PRPF18: variants seen among roughly 807,000 people sequenced by gnomAD.
The protein encoded by PRPF18 is pre-mRNA-splicing factor 18.
PRPF18 carries 38 observed loss-of-function variants against 46.5 expected under a neutral mutation model. That is an observed-to-expected ratio of 0.82 (90% CI 0.63 to 1.07). The LOEUF (loss-of-function observed/expected upper bound fraction) is 1.07, where lower values mean the gene tolerates loss of function less well. Among genes scored for constraint, PRPF18 ranks in the 50% least tolerant of loss-of-function variants. The pLI, the probability that PRPF18 is intolerant of heterozygous loss-of-function variation, is 0.00. For synonymous variants in PRPF18, 152 were observed against 146.7 expected (o/e 1.04, Z -0.26); for missense variants, 263 against 410.0 (o/e 0.64, Z 3.10).
At chr10:13,615,736 G>A (rs987198063) in intron 8 of PRPF18, among the ~76,000 whole-genome samples, 3 of 150,448 alleles carry the variant, frequency 2.0e-5, no homozygotes, top group African/African-American at 4.9e-5. Flanking sequence ...AAAGCCTTTT[G>A]TCTTCATTGG....
In PRPF18 at chr10:13,613,878, A is replaced by T. The variant is rs1208750826; in HGVS notation, c.717A>T (p.Lys239Asn). 6.2e-7 allele frequency: 1 copy of T among 1,605,216 alleles called. No individual in the cohort carries two copies. The highest frequency in any genetic ancestry group is 8.5e-7 in the Non-Finnish European group (1 of 1,177,882). Residue 239 changes from lysine to asparagine, a missense_variant, in exon 7 of 10, where the codon AAA becomes AAT. Around this residue, in one of 4 missense-constraint regions of PRPF18, gnomAD observed 155 missense variants for 245.1 expected, o/e 0.63. Coordinates refer to ENST00000378572, the MANE Select transcript of PRPF18 (RefSeq NM_003675.4). Reference sequence around the variant, plus strand: ...GACCACTTTTTAGAAAGCTACGGAAAAGGGTGAGGTTTCTTGGAAAATACT... The same window carrying T: ...GACCACTTTTTAGAAAGCTACGGAATAGGGTGAGGTTTCTTGGAAAATACT... ...YLRPLFRKLRKRNLPADIKES... is the reference protein window; with the variant it reads ...YLRPLFRKLRNRNLPADIKES...
In PRPF18 at chr10:13,608,426, T is replaced by G. The variant is rs144625131; in HGVS notation, c.364-1613T>G. On this transcript the variant is annotated intron_variant, in intron 4 of 9. Coordinates refer to ENST00000378572, the MANE Select transcript of PRPF18 (RefSeq NM_003675.4). ...TGGGCTGTCTGACTGCTTTCTTTGT[T>G]GCCAAACCACTTTCCTGCTTTACTT... Among the ~76,000 whole-genome samples the G allele has an allele frequency of 2.8e-3, 421 of 152,352 alleles. 4 individuals carry two copies. Among genetic ancestry groups the G allele is most frequent in the Middle Eastern group, 0.01 (3 of 294 alleles).
At chr10:13,609,728 C>A (rs1003447571) in intron 4 of PRPF18, among the ~76,000 whole-genome samples, 1 of 152,154 alleles carries the variant, frequency 6.6e-6, no homozygotes, top group Non-Finnish European at 1.5e-5. Flanking sequence ...TGTCACTAAG[C>A]CTCATTAGAA....
Position 13,613,883 on chromosome 10 carries a change from T to A in PRPF18, c.720+2T>A. 1 of 1,597,436 alleles carries A rather than the reference T, an allele frequency of 6.3e-7. No homozygotes were observed. The highest frequency in any genetic ancestry group is 1.1e-5 in the South Asian group (1 of 87,084). ...CTTTTTAGAAAGCTACGGAAAAGGG[T>A]GAGGTTTCTTGGAAAATACTTTTTT... On this transcript the variant is annotated splice_donor_variant, in intron 7 of 9. Transcript: ENST00000378572. LOFTEE classifies it high-confidence loss of function.
intron 1 of PRPF18, chr10:13,591,928 G>GGTTTT (rs1564448930): frequency 5.9e-6 from 6 of 1,011,564 alleles, no homozygotes; most frequent in East Asian, 4.9e-5. Flanking sequence ...TCAACTGAGG[G>GGTTTT]TTTTTTTTTT....
chr10:13,618,843 A>G (rs559856664), intron 9 of PRPF18, among the ~76,000 whole-genome samples: 1 of 152,178 alleles, frequency 6.6e-6, no homozygotes, highest in South Asian at 2.1e-4. Flanking sequence ...AGAGGTGATA[A>G]TAATTGCTCT....
intron 8 of PRPF18, among the ~76,000 whole-genome samples, chr10:13,614,697 G>C (rs73574288): frequency 6.9e-4 from 105 of 152,314 alleles, no homozygotes; most frequent in African/African-American, 1.7e-3. Flanking sequence ...GTGAGGGAAA[G>C]GGTGCTGGTG....
chr10:13,600,306 A>G lies in PRPF18; in HGVS notation c.207A>G (p.Glu69=). 6.2e-7 allele frequency: 1 copy of G among 1,613,010 alleles called. No homozygotes were observed. The highest frequency in any genetic ancestry group is 8.5e-7 in the Non-Finnish European group (1 of 1,179,494). The change falls in exon 3 of 10, where the codon GAA becomes GAG. Residue 69 remains glutamate (E), a synonymous_variant. Transcript: ENST00000378572. ...CATCGAATCCAGTGTTAGAACTTGA[A>G]CTGGCAGAGGAAAAATTACCTATGA... The part of the protein sequence containing the change: ...LTSSNPVLEL[E]LAEEKLPMTL...
chr10:13,591,014 C>G (rs1053666885), intron 1 of PRPF18, among the ~76,000 whole-genome samples: 1 of 152,170 alleles, frequency 6.6e-6, no homozygotes, highest in Non-Finnish European at 1.5e-5. Flanking sequence ...AATTAGTGCA[C>G]AAGGCAATGC....
intron 4 of PRPF18, among the ~76,000 whole-genome samples, chr10:13,608,245 GC>G (rs1313464152): frequency 3.3e-5 from 5 of 152,222 alleles, no homozygotes; most frequent in African/African-American, 7.2e-5. Context: ...TATTGTGATT[GC>G]AGTCAGATGA....
At chr10:13,611,187 CTTTTT>C (rs35441441) in intron 5 of PRPF18, among the ~76,000 whole-genome samples, 12 of 120,976 alleles carry the variant, frequency 9.9e-5, no homozygotes, top group African/African-American at 2.8e-4. Flanking sequence ...CAGTTGTGGG[CTTTTT>C]TTTTTTTTTT....
chr10:13,645,829 C>T, the PRPF18 span: 3 of 152,628 alleles, frequency 2.0e-5, no homozygotes, highest in South Asian at 6.2e-4. Context: ...CAGTTAAACA[C>T]TGAATGGATC....
At chr10:13,611,058 A>G (rs898302492) in intron 5 of PRPF18, among the ~76,000 whole-genome samples, 16 of 152,164 alleles carry the variant, frequency 1.1e-4, no homozygotes, top group Admixed American at 7.8e-4. Context: ...TGGCTCTTGT[A>G]TGTGTAGCTG....
intron 6 of PRPF18, among the ~76,000 whole-genome samples, chr10:13,613,038 A>G (rs1438920352): frequency 6.6e-6 from 1 of 152,236 alleles, no homozygotes; most frequent in Non-Finnish European, 1.5e-5. Context: ...GATTCTGAAT[A>G]TATTGAGGAT....
intron 4 of PRPF18, among the ~76,000 whole-genome samples, chr10:13,609,573 C>T (rs988214212): frequency 1.3e-5 from 2 of 152,152 alleles, no homozygotes; most frequent in African/African-American, 4.8e-5. Context: ...TTGCTAGAAA[C>T]ATAGTTGAGA....
At chr10:13,628,421 A>G (rs1176780636) in intron 9 of PRPF18, among the ~76,000 whole-genome samples, 2 of 152,244 alleles carry the variant, frequency 1.3e-5, no homozygotes, top group Non-Finnish European at 2.9e-5. Flanking sequence ...AGAAAATGAC[A>G]TAGTATTTGC....
intron 9 of PRPF18, among the ~76,000 whole-genome samples, chr10:13,624,174 T>C (rs1192603864): frequency 1.3e-5 from 2 of 152,172 alleles, no homozygotes; most frequent in East Asian, 3.9e-4. Context: ...TGACATGGTA[T>C]GCCATGTTGG....
At chr10:13,614,945 G>C (rs1445108486) in intron 8 of PRPF18, among the ~76,000 whole-genome samples, 2 of 152,194 alleles carry the variant, frequency 1.3e-5, no homozygotes, top group African/African-American at 4.8e-5. Context: ...TGCTTATCCA[G>C]TGCTGTATCT....
intron 6 of PRPF18, among the ~76,000 whole-genome samples, 154 bp from the exon 7 acceptor site, chr10:13,613,587 G>T (rs747138597): frequency 1.7e-4 from 26 of 152,182 alleles, no homozygotes; most frequent in Non-Finnish European, 2.8e-4. Flanking sequence ...TGACCAATAA[G>T]CAGAACTAGC....
Sources: allele counts gnomAD v4.1 joint callset (sites outside exome capture counted in the v4.1 genomes callset), GRCh38; gene constraint gnomAD v4.1.1; regional missense constraint gnomAD v4.1.1; transcripts MANE v1.5; gene names NCBI Gene and HGNC (gene_info 2026-07-23, HGNC 2026-07-21).